MRPL1: variants seen among roughly 807,000 people sequenced by gnomAD.
MRPL1 encodes mitochondrial ribosomal protein L1, also known as large ribosomal subunit protein uL1m.
Under a neutral mutation model 38.0 loss-of-function variants are expected in MRPL1, and 28 were observed. That is an observed-to-expected ratio of 0.74 (90% confidence interval 0.55 to 1.01). The LOEUF (loss-of-function observed/expected upper bound fraction) is 1.01. MRPL1 is among the 50% of genes least tolerant of loss of function. The pLI is 0.00. For synonymous variants in MRPL1, 123 were observed against 126.7 expected (o/e 0.97, Z 0.20); for missense variants, 358 against 389.8 (o/e 0.92, Z 0.69).
chr4:77,926,604 C>CT (rs1280370324), intron 7 of MRPL1, among the ~76,000 whole-genome samples: 1 of 117,032 alleles, frequency 8.5e-6, no homozygotes, highest in African/African-American at 3.7e-5. Context: ...TAGTTTTTTT[C>CT]TTTTTTACTT....
At chr4:77,885,607 C>T (rs966122071) in intron 4 of MRPL1, among the ~76,000 whole-genome samples, 11 of 152,078 alleles carry the variant, frequency 7.2e-5, no homozygotes, top group African/African-American at 1.4e-4. Flanking sequence ...CCTTGTGATC[C>T]GCCCGCCTCG....
intron 6 of MRPL1, among the ~76,000 whole-genome samples, chr4:77,898,988 G>GTTTTTTTTTT (rs1560465396): frequency 7.1e-6 from 1 of 140,574 alleles, no homozygotes. Flanking sequence ...CTTATGCACA[G>GTTTTTTTTTT]ATTTTTTTTT....
intron 7 of MRPL1, among the ~76,000 whole-genome samples, chr4:77,913,760 T>A (rs1736350728): frequency 6.6e-6 from 1 of 152,070 alleles, no homozygotes; most frequent in African/African-American, 2.4e-5. Context: ...CAGGTGAATA[T>A]AAAAAAAATT....
chr4:77,879,791 ATG>A lies in MRPL1; in HGVS notation c.144-3447_144-3446del, dbSNP rs1735494952. Among the ~76,000 whole-genome samples the A allele has an allele frequency of 2.0e-5, 3 of 152,126 alleles. No homozygotes were observed. The South Asian group carries it at 6.2e-4, about 32-fold the overall frequency. Reference sequence around the variant, plus strand: ...GAGTACTTCCACGGTAGCTGTTGAGATGTGTTGTATGCATCCACTTGGGCACT... The same window carrying A: ...GAGTACTTCCACGGTAGCTGTTGAGATGTTGTATGCATCCACTTGGGCACT... On this transcript the variant is annotated intron_variant, in intron 2 of 8. Transcript: ENST00000315567.
At chr4:77,950,646 C>A (rs530086666) in intron 8 of MRPL1, among the ~76,000 whole-genome samples, 2 of 152,190 alleles carry the variant, frequency 1.3e-5, no homozygotes, top group South Asian at 2.1e-4. Context: ...TGAATAAATA[C>A]CACCCTTGTT....
chr4:77,943,235 G>T (rs1342331943), intron 7 of MRPL1, among the ~76,000 whole-genome samples: 2 of 152,010 alleles, frequency 1.3e-5, no homozygotes, highest in Non-Finnish European at 2.9e-5. Flanking sequence ...TAGGGTTTCT[G>T]TGGAGAAATC....
intron 2 of MRPL1, among the ~76,000 whole-genome samples, chr4:77,876,524 T>TA (rs1304823331): frequency 6.6e-6 from 1 of 152,204 alleles, no homozygotes; most frequent in Non-Finnish European, 1.5e-5. Context: ...TGCCTACTCT[T>TA]AAAAAACCAT....
chr4:77,924,029 T>C (rs1472377465), intron 7 of MRPL1, among the ~76,000 whole-genome samples: 2 of 151,944 alleles, frequency 1.3e-5, no homozygotes, highest in African/African-American at 4.8e-5. Flanking sequence ...TTAATGATAC[T>C]ATACTTATTA....
At chr4:77,917,427 C>T (rs1340651258) in intron 7 of MRPL1, among the ~76,000 whole-genome samples, 3 of 152,050 alleles carry the variant, frequency 2.0e-5, no homozygotes, top group East Asian at 1.9e-4. Flanking sequence ...AAAAGGGGAC[C>T]GGTTTTTCTG....
chr4:77,951,750 C>G (rs191066673), intron 8 of MRPL1, among the ~76,000 whole-genome samples: 9 of 152,256 alleles, frequency 5.9e-5, no homozygotes, highest in Admixed American at 5.9e-4. Flanking sequence ...CCTCCCGCAT[C>G]CCAAAGGTGG....
chr4:77,916,889 A>G (rs1428166725), intron 7 of MRPL1, among the ~76,000 whole-genome samples: 2 of 152,224 alleles, frequency 1.3e-5, no homozygotes, highest in Non-Finnish European at 2.9e-5. Flanking sequence ...TTCCCAAATT[A>G]CTTTCTAAAA....
intron 7 of MRPL1, among the ~76,000 whole-genome samples, chr4:77,913,213 C>T (rs1011508627): frequency 4.0e-5 from 6 of 151,886 alleles, no homozygotes; most frequent in Non-Finnish European, 7.4e-5. Flanking sequence ...TTAAAAGACA[C>T]TGTTAAGAGA....
At chr4:77,921,776 T>G (rs1333228215) in intron 7 of MRPL1, among the ~76,000 whole-genome samples, 1 of 152,006 alleles carries the variant, frequency 6.6e-6, no homozygotes, top group Non-Finnish European at 1.5e-5. Flanking sequence ...TGCAGAGTTT[T>G]TTTTTTTTTT....
At chr4:77,883,142 T>G in intron 2 of MRPL1, 100 bp from the exon 3 acceptor site, 2 of 749,556 alleles carry the variant, frequency 2.7e-6, no homozygotes, top group Non-Finnish European at 4.0e-6. Context: ...AAAATATAAT[T>G]CATCCTTTGT....
intron 1 of MRPL1, among the ~76,000 whole-genome samples, chr4:77,865,676 C>G (rs1157961922): frequency 6.6e-6 from 1 of 152,168 alleles, no homozygotes; most frequent in Non-Finnish European, 1.5e-5. Context: ...TGACTCCTCT[C>G]TGTATCTCAC....
intron 7 of MRPL1, among the ~76,000 whole-genome samples, chr4:77,941,518 TTTG>T (rs1737132275): frequency 1.3e-5 from 2 of 152,230 alleles, no homozygotes; most frequent in East Asian, 1.9e-4. Flanking sequence ...TGTTGGCAGT[TTTG>T]TTGTTGTTGT....
chr4:77,904,201 C>T (rs142767674), intron 6 of MRPL1, among the ~76,000 whole-genome samples: 5 of 150,488 alleles, frequency 3.3e-5, no homozygotes, highest in African/African-American at 7.3e-5. Context: ...GAGCTGAGAT[C>T]GTGCCACTGC....
intron 8 of MRPL1, 100 bp from the exon 9 acceptor site, chr4:77,952,389 C>T (rs989658899): frequency 1.2e-5 from 10 of 834,358 alleles, no homozygotes; most frequent in African/African-American, 1.0e-4. Context: ...TTGCAGTTTC[C>T]AAGAACCTAG....
chr4:77,939,243 G>C (rs1207737530), intron 7 of MRPL1, among the ~76,000 whole-genome samples: 1 of 152,148 alleles, frequency 6.6e-6, no homozygotes, highest in Non-Finnish European at 1.5e-5. Context: ...TCTTGCAGGG[G>C]TAAGGTGGTA....
Sources: allele counts gnomAD v4.1 joint callset (sites outside exome capture counted in the v4.1 genomes callset), GRCh38; gene constraint gnomAD v4.1.1; transcripts MANE v1.5; gene names NCBI Gene and HGNC (gene_info 2026-07-23, HGNC 2026-07-21).